Variants in NCDN observed in about 807,000 individuals in gnomAD.
The protein encoded by NCDN is norbin.
In NCDN, 9 loss-of-function variants were observed where a neutral mutation model predicts 60.7. The ratio of observed to expected loss-of-function variants is 0.15; its 90% CI spans 0.09 to 0.26. NCDN has a LOEUF of 0.26. Ranked by LOEUF, NCDN falls within the 10% of genes least tolerant of loss-of-function variation. The pLI, the probability that NCDN is intolerant of heterozygous loss-of-function variation, is 1.00. For synonymous variants in NCDN, 409 were observed against 442.5 expected (o/e 0.92, Z 0.95); for missense variants, 578 against 975.2 (o/e 0.59, Z 5.42).
rs1000465360 is a variant in NCDN at position 35,559,709 on chromosome 1, A to G, written c.174+462A>G. On this transcript the variant is annotated intron_variant, in intron 2 of 6. Coordinates refer to ENST00000373243, the MANE Select transcript of NCDN (RefSeq NM_014284.3). ...CTTTTTGGAGGAACCCAAGCTGGGG[A>G]CAGCAGAGCAGAAGCTGCAGTGCTA... is the stretch of plus-strand genomic sequence containing the variant. Among the ~76,000 whole-genome samples the G allele has an allele frequency of 2.6e-4, 35 of 136,136 alleles. 1 individual carries two copies. Among genetic ancestry groups the G allele is most frequent in the Admixed American group, 1.5e-3 (20 of 13,108 alleles). 89.3% of individuals were successfully genotyped at this position (136,136 alleles called of 152,430 possible). A position where few individuals can be genotyped will look rare whatever the true frequency, so the allele number is the denominator to read the frequency against.
At chr1:35,564,328 T>G (rs536476422) in intron 6 of NCDN, among the ~76,000 whole-genome samples, 106 of 152,306 alleles carry the variant, frequency 7.0e-4, no homozygotes, top group Middle Eastern at 3.4e-3. Flanking sequence ...CAGCACTTGG[T>G]GTCCCTCTAT....
chr1:35,559,133 G>A lies in NCDN; in HGVS notation c.60G>A (p.Ser20=), dbSNP rs150181669. 66 of 1,611,926 alleles carry A rather than the reference G, an allele frequency of 4.1e-5. No homozygotes were observed. The highest frequency in any genetic ancestry group is 1.5e-4 in the South Asian group (14 of 90,994). Residue 20 remains serine (S), a synonymous_variant, in exon 2 of 7, where the codon TCG becomes TCA. Transcript: ENST00000373243. The stretch of plus-strand genomic sequence containing the variant: ...TGGGCAAGGCGAGCATCATGGCCTC[G>A]GATTGCGAGCCAGCTCTGAACCAGG... The part of the protein sequence containing the change: ...GQLGKASIMA[S]DCEPALNQAE...
rs966686059 is a variant in NCDN at position 35,559,300 on chromosome 1, C to A, written c.174+53C>A. ...TGGGAAGGGCTGGGTGGTTGGGCCC[C>A]CAAGGAATGGGGTCAGTGAGTCCCC... On this transcript the variant is annotated intron_variant, in intron 2 of 6. Transcript: ENST00000373243. 1.9e-6 allele frequency: 3 copies of A among 1,610,682 alleles called. No individual in the cohort carries two copies. The African/African-American group carries it at 4.0e-5, about 22-fold the overall frequency.
At chr1:35,559,393 C>G in intron 2 of NCDN, 146 bp downstream of exon 2, 3 of 1,015,316 alleles carry the variant, frequency 3.0e-6, no homozygotes, top group Non-Finnish European at 4.3e-6. Context: ...TACCTTTGTG[C>G]TCTTTTTTGC....
At position 35,558,496 on chromosome 1, in the gene NCDN, G is replaced by T; in HGVS notation, c.33+273G>T. ...GGAAAGGAGAGGAGGCAAGGAGCCT[G>T]CGGGGGCGACTGAGAGCCCTGGCTG... On this transcript the variant is annotated intron_variant, in intron 1 of 6. Transcript: ENST00000373243. This position sits in a 1 kb window ranked among gnomAD's most constrained non-coding sequence, Gnocchi z 6.3. 7.2e-7 allele frequency: 1 copy of T among 1,390,438 alleles called. No homozygotes were observed. Among genetic ancestry groups the T allele is most frequent in the East Asian group, 2.7e-5 (1 of 36,836 alleles). 86.1% of individuals were successfully genotyped at this position (1,390,438 alleles called of 1,614,324 possible).
chr1:35,561,398 T>A lies in NCDN; in HGVS notation c.1143+104T>A. 1 of 1,439,078 alleles carries A rather than the reference T, an allele frequency of 6.9e-7. No homozygotes were observed. Among genetic ancestry groups the A allele is most frequent in the Non-Finnish European group, 9.2e-7 (1 of 1,090,706 alleles). 89.1% of individuals were successfully genotyped at this position (1,439,078 alleles called of 1,614,324 possible). A position where few individuals can be genotyped will look rare whatever the true frequency, so the allele number is the denominator to read the frequency against. The stretch of plus-strand genomic sequence containing the variant: ...ATAATGGGGAGACAGCGAAGCTGCA[T>A]GTCCACACAAGCTGATACTGTAGCC... On this transcript the variant is annotated intron_variant, in intron 3 of 6. Coordinates refer to ENST00000373243, the MANE Select transcript of NCDN (RefSeq NM_014284.3). This position sits in a 1 kb window ranked among gnomAD's most constrained non-coding sequence, Gnocchi z 4.9.
In NCDN at chr1:35,565,981, T is replaced by A; in HGVS notation, c.*318T>A. On this transcript the variant is annotated 3_prime_UTR_variant, in exon 7 of 7. Transcript: ENST00000373243. The surrounding 1 kb of genome is among the most constrained non-coding windows in gnomAD (Gnocchi z 8.9). ...CATTGTGCCCGATGTCTGGCTCCCCTGCAGGAGGGAGGCTCCAGGGTAAGA... is the reference window on the plus strand; with the variant it reads ...CATTGTGCCCGATGTCTGGCTCCCCAGCAGGAGGGAGGCTCCAGGGTAAGA... 2 of 329,628 alleles carry A rather than the reference T, an allele frequency of 6.1e-6. No homozygotes were observed. Among genetic ancestry groups the A allele is most frequent in the Non-Finnish European group, 5.7e-6 (1 of 175,308 alleles). 20.4% of individuals were successfully genotyped at this position (329,628 alleles called of 1,614,324 possible).
rs997777787 is a variant in NCDN at position 35,562,165 on chromosome 1, C to A, written c.1144-227C>A. Among the ~76,000 whole-genome samples the A allele has an allele frequency of 1.3e-5, 2 of 152,196 alleles. No homozygotes were observed. The highest frequency in any genetic ancestry group is 4.8e-5 in the African/African-American group (2 of 41,452). ...ATTCACTCAGGCCCAGTTCACTCAG[C>A]AGACGTGTGTGGAGGGCCTGGCTCA... On this transcript the variant is annotated intron_variant, in intron 3 of 6. Coordinates refer to ENST00000373243, the MANE Select transcript of NCDN (RefSeq NM_014284.3). The surrounding 1 kb of genome is among the most constrained non-coding windows in gnomAD (Gnocchi z 6.8).
chr1:35,565,773 A>C lies in NCDN; in HGVS notation c.*110A>C. The C allele has an allele frequency of 8.3e-7, 1 of 1,210,382 alleles. No individual in the cohort carries two copies. The highest frequency in any genetic ancestry group is 1.1e-6 in the Non-Finnish European group (1 of 890,862). The allele number at this position is 1,210,382 out of a possible 1,614,324, so 75.0% of individuals were successfully genotyped here. On this transcript the variant is annotated 3_prime_UTR_variant, in exon 7 of 7. Transcript: ENST00000373243. The surrounding 1 kb of genome is among the most constrained non-coding windows in gnomAD (Gnocchi z 8.9). The stretch of plus-strand genomic sequence containing the variant: ...CCCCCCTCCCCAGACTTCCTCCCCA[A>C]AACACCCCAGCTTTCTGGCTTTTCT...
chr1:35,560,997 G>A lies in NCDN; in HGVS notation c.846G>A (p.Leu282=). The A allele has an allele frequency of 1.2e-6, 2 of 1,612,578 alleles. No homozygotes were observed. The highest frequency in any genetic ancestry group is 8.5e-7 in the Non-Finnish European group (1 of 1,179,204). The part of the protein sequence containing the change: ...KLSSWQRNPA[L]KLAARLAHAC... ...GCTCCTGGCAGCGCAACCCTGCACT[G>A]AAGCTGGCAGCCCGCCTGGCACACG... is the stretch of plus-strand genomic sequence containing the variant. The change falls in exon 3 of 7, where the codon CTG becomes CTA. Residue 282 remains leucine (L), a synonymous_variant. Coordinates refer to ENST00000373243, the MANE Select transcript of NCDN (RefSeq NM_014284.3). This position sits in a 1 kb window ranked among gnomAD's most constrained non-coding sequence, Gnocchi z 7.6.
chr1:35,561,294 G>A lies in NCDN; in HGVS notation c.1143G>A (p.Gln381=). The change falls in exon 3 of 7, where the codon CAG becomes CAA. Residue 381 remains glutamine, a splice_region_variant and synonymous_variant. Coordinates refer to ENST00000373243, the MANE Select transcript of NCDN (RefSeq NM_014284.3). This position sits in a 1 kb window ranked among gnomAD's most constrained non-coding sequence, Gnocchi z 4.9. ...GGGCTGTTATCCACTACCTGCTGCA[G>A]GTGAGGGTGCAGTGACCCACAGAGG... is the stretch of plus-strand genomic sequence containing the variant. ...AIGAVIHYLL[Q]VGSEKQKEPF... 1 of 1,580,108 alleles carries A rather than the reference G, an allele frequency of 6.3e-7. No individual in the cohort carries two copies. The highest frequency in any genetic ancestry group is 1.8e-4 in the Middle Eastern group (1 of 5,476).
rs753756603 is a variant in NCDN at position 35,565,464 on chromosome 1, C to T, written c.1991C>T (p.Pro664Leu). The change falls in exon 7 of 7, where the codon CCG becomes CTG. Residue 664 changes from proline (P) to leucine (L), a missense_variant. Transcript: ENST00000373243. This position sits in a 1 kb window ranked among gnomAD's most constrained non-coding sequence, Gnocchi z 8.9. ...LAPAALRSRW[P>L]QELLQLLGSV... ...CCCGCTGCCCTGCGCTCCCGCTGGC[C>T]GCAGGAGCTGCTCCAGCTGCTAGGC... 1 of 1,607,170 alleles carries T rather than the reference C, an allele frequency of 6.2e-7. No individual in the cohort carries two copies. The highest frequency in any genetic ancestry group is 1.1e-5 in the South Asian group (1 of 90,528).
chr1:35,559,797 A>G (rs1648637420), intron 2 of NCDN, among the ~76,000 whole-genome samples: 1 of 152,018 alleles, frequency 6.6e-6, no homozygotes, highest in South Asian at 2.1e-4. Flanking sequence ...CTTGTTTGCC[A>G]TGGCAACAAG....
Position 35,563,320 on chromosome 1 carries a change from T to G in NCDN, c.1504T>G (p.Ser502Ala), listed in dbSNP as rs766859600. The G allele has an allele frequency of 2.5e-6, 4 of 1,614,126 alleles. No homozygotes were observed. In the East Asian group the frequency reaches 8.9e-5, roughly 36 times the overall value. Residue 502 changes from serine (S) to alanine (A), a missense_variant, in exon 5 of 7, where the codon TCC (serine) becomes GCC (alanine). Ser to Ala is a moderately conservative substitution (Grantham distance 99). Coordinates refer to ENST00000373243, the MANE Select transcript of NCDN (RefSeq NM_014284.3). This position sits in a 1 kb window ranked among gnomAD's most constrained non-coding sequence, Gnocchi z 6.6. Reference protein sequence around the residue: ...KYFLQQWELTSPGHDTSVLPD... With the variant: ...KYFLQQWELTAPGHDTSVLPD... Reference sequence around the variant, plus strand: ...TTTCCTGCAGCAGTGGGAACTCACATCCCCTGGCCACGACACCTCGGTGCT... The same window carrying G: ...TTTCCTGCAGCAGTGGGAACTCACAGCCCCTGGCCACGACACCTCGGTGCT...
At position 35,563,437 on chromosome 1, in the gene NCDN, C is replaced by G. The variant is rs536513112; in HGVS notation, c.1610+11C>G. The G allele has an allele frequency of 1.2e-6, 2 of 1,609,086 alleles. No individual in the cohort carries two copies. The highest frequency in any genetic ancestry group is 1.1e-5 in the South Asian group (1 of 91,012). ...ACCGGGGCTGATCAAGTGAGGGGCTCGGGAGAGGTGGGGGAGGAGGCCGGA... is the reference window on the plus strand; with the variant it reads ...ACCGGGGCTGATCAAGTGAGGGGCTGGGGAGAGGTGGGGGAGGAGGCCGGA... On this transcript the variant is annotated intron_variant, in intron 5 of 6. Transcript: ENST00000373243. The surrounding 1 kb of genome is among the most constrained non-coding windows in gnomAD (Gnocchi z 6.6).
At position 35,565,779 on chromosome 1, in the gene NCDN, C is replaced by G. The variant is rs1648854858; in HGVS notation, c.*116C>G. On this transcript the variant is annotated 3_prime_UTR_variant, in exon 7 of 7. Transcript: ENST00000373243. This position sits in a 1 kb window ranked among gnomAD's most constrained non-coding sequence, Gnocchi z 8.9. Reference sequence around the variant, plus strand: ...TCCCCAGACTTCCTCCCCAAAACACCCCAGCTTTCTGGCTTTTCTGAGGGC... The same window carrying G: ...TCCCCAGACTTCCTCCCCAAAACACGCCAGCTTTCTGGCTTTTCTGAGGGC... The G allele has an allele frequency of 8.5e-7, 1 of 1,178,912 alleles. No individual in the cohort carries two copies. Among genetic ancestry groups the G allele is most frequent in the African/African-American group, 1.5e-5 (1 of 64,526 alleles). 73.0% of individuals were successfully genotyped at this position (1,178,912 alleles called of 1,614,324 possible).
intron 1 of NCDN, 52 bp from the exon 2 acceptor site, chr1:35,559,055 C>A: frequency 7.5e-7 from 1 of 1,326,900 alleles, no homozygotes; most frequent in Non-Finnish European, 1.0e-6. Context: ...ACCCCCACCC[C>A]ACCCCCGTCC....
rs905030042 is a variant in NCDN at position 35,561,574 on chromosome 1, C to T, written c.1143+280C>T. Among the ~76,000 whole-genome samples, 4 of 152,058 alleles carry T rather than the reference C, an allele frequency of 2.6e-5. No homozygotes were observed. Among genetic ancestry groups the T allele is most frequent in the African/African-American group, 4.8e-5 (2 of 41,392 alleles). On this transcript the variant is annotated intron_variant, in intron 3 of 6. Coordinates refer to ENST00000373243, the MANE Select transcript of NCDN (RefSeq NM_014284.3). The surrounding 1 kb of genome is among the most constrained non-coding windows in gnomAD (Gnocchi z 4.9). ...GTAACCTCCCACTCAAACGCTCCCC[C>T]CAATACACACACACTACACGCCACA...
chr1:35,565,597 G>T lies in NCDN; in HGVS notation c.2124G>T (p.Gln708His). The T allele has an allele frequency of 6.4e-7, 1 of 1,560,498 alleles. No homozygotes were observed. The highest frequency in any genetic ancestry group is 8.6e-7 in the Non-Finnish European group (1 of 1,159,244). ...NRLCREAMRL[Q>H]AGEETASHYR... ...TGTGCCGGGAGGCCATGAGGCTGCA[G>T]GCGGGCGAGGAGACGGCCAGCCACT... Residue 708 changes from glutamine (Q) to histidine (H), a missense_variant, in exon 7 of 7, where the codon CAG (glutamine) becomes CAT (histidine). Gln to His is a conservative substitution (Grantham distance 24, BLOSUM62 0). Coordinates refer to ENST00000373243, the MANE Select transcript of NCDN (RefSeq NM_014284.3). The surrounding 1 kb of genome is among the most constrained non-coding windows in gnomAD (Gnocchi z 8.9).
Sources: allele counts gnomAD v4.1 joint callset (sites outside exome capture counted in the v4.1 genomes callset), GRCh38; gene constraint gnomAD v4.1.1; non-coding constraint Gnocchi (gnomAD v3.1); transcripts MANE v1.5; gene names NCBI Gene and HGNC (gene_info 2026-07-23, HGNC 2026-07-21).